Variants in STAT3 observed in about 807,000 individuals in gnomAD.
STAT3 encodes the protein DNA-binding protein APRF.
A neutral mutation model predicts 114.3 loss-of-function variants in STAT3; 7 were observed. The ratio of observed to expected loss-of-function variants is 0.06; its 90% CI spans 0.03 to 0.11. STAT3 has a LOEUF of 0.11. Among genes scored for constraint, STAT3 ranks in the 10% least tolerant of loss-of-function variants. STAT3 has a pLI of 1.00. For missense variants in STAT3, 364 were observed against 960.9 expected (o/e 0.38, Z 8.21); for synonymous variants, 331 against 354.5 (o/e 0.93, Z 0.74).
At position 42,337,251 on chromosome 17, in the gene STAT3, G is replaced by A. The variant is rs573277839; in HGVS notation, c.797+184C>T. ...CCCATCTTGGTCTCCCAAAGTGCTGGGATTACAGGTGTGAGCCACAGCGCC... is the reference window on the plus strand; with the variant it reads ...CCCATCTTGGTCTCCCAAAGTGCTGAGATTACAGGTGTGAGCCACAGCGCC... On this transcript the variant is annotated intron_variant, in intron 8 of 23. Coordinates refer to ENST00000264657, the MANE Select transcript of STAT3 (RefSeq NM_139276.3). This position sits in a 1 kb window ranked among gnomAD's most constrained non-coding sequence, Gnocchi z 4.0. 2.6e-5 allele frequency among the ~76,000 whole-genome samples: 4 copies of A among 152,096 alleles called. No individual in the cohort carries two copies. The highest frequency in any genetic ancestry group is 5.9e-5 in the Non-Finnish European group (4 of 68,034).
chr17:42,371,256 T>C (rs1474054044), intron 1 of STAT3, among the ~76,000 whole-genome samples: 2 of 152,014 alleles, frequency 1.3e-5, no homozygotes, highest in Admixed American at 6.6e-5. Flanking sequence ...AGGAGACAAC[T>C]ACAAGTTACT....
chr17:42,329,377 C>G (rs778541073), intron 14 of STAT3, 33 bp downstream of exon 14: 1 of 1,492,448 alleles, frequency 6.7e-7, no homozygotes, highest in Non-Finnish European at 8.9e-7. Flanking sequence ...AAGGAAAACA[C>G]CCCAGTTGTC....
At chr17:42,369,479 G>A (rs923665813) in intron 1 of STAT3, among the ~76,000 whole-genome samples, 1 of 152,120 alleles carries the variant, frequency 6.6e-6, no homozygotes, top group Non-Finnish European at 1.5e-5. Context: ...GGGCATTTAG[G>A]TTGATTCCAT....
Position 42,313,379 on chromosome 17 carries a change from C to CAAAAAAAAAAAAAAAAAAAAAAACA in STAT3, c.*2365_*2366insTGTTTTTTTTTTTTTTTTTTTTTTT, listed in dbSNP as rs397857989. On this transcript the variant is annotated 3_prime_UTR_variant, in exon 24 of 24. Coordinates refer to ENST00000264657, the MANE Select transcript of STAT3 (RefSeq NM_139276.3). ...AGTTAAAGTAGATACAGCAATATAC[C>CAAAAAAAAAAAAAAAAAAAAAAACA]AAAAAAAAAAAAAAAAAAAAAAGAC... 8.4e-5 allele frequency: 7 copies of CAAAAAAAAAAAAAAAAAAAAAAACA among 83,018 alleles called. No individual in the cohort carries two copies. Among genetic ancestry groups the CAAAAAAAAAAAAAAAAAAAAAAACA allele is most frequent in the Admixed American group, 1.6e-4 (1 of 6,286 alleles). 5.1% of individuals were successfully genotyped at this position (83,018 alleles called of 1,614,324 possible).
At chr17:42,379,186 A>C (rs1212397899) in intron 1 of STAT3, among the ~76,000 whole-genome samples, 1 of 152,174 alleles carries the variant, frequency 6.6e-6, no homozygotes, top group South Asian at 2.1e-4. Context: ...TAGGGAAGCC[A>C]AGCCGTTTAT....
intron 11 of STAT3, among the ~76,000 whole-genome samples, chr17:42,330,325 G>A (rs148324609): frequency 1.2e-4 from 18 of 151,820 alleles, no homozygotes; most frequent in African/African-American, 4.1e-4. Context: ...CATGTTGGTC[G>A]GGCTGGTTTC....
chr17:42,384,132 AT>A (rs371933640), intron 1 of STAT3, among the ~76,000 whole-genome samples: 11,971 of 134,778 alleles, frequency 0.089, 573 homozygotes, highest in African/African-American at 0.14. Flanking sequence ...TTATTTATTT[AT>A]TTTTTTTTTT....
chr17:42,363,484 C>T (rs2083617788), intron 1 of STAT3, among the ~76,000 whole-genome samples: 1 of 152,162 alleles, frequency 6.6e-6, no homozygotes, highest in African/African-American at 2.4e-5. Context: ...TGCTCTGTTA[C>T]CCAGGCTGGA....
At chr17:42,384,124 A>ATTTTT (rs1202429954) in intron 1 of STAT3, among the ~76,000 whole-genome samples, 20 of 81,948 alleles carry the variant, frequency 2.4e-4, no homozygotes, top group South Asian at 5.8e-4. Context: ...TTATTTATTT[A>ATTTTT]TTTATTTATT....
chr17:42,375,953 T>C (rs933956289), intron 1 of STAT3, among the ~76,000 whole-genome samples: 1 of 151,402 alleles, frequency 6.6e-6, no homozygotes, highest in Non-Finnish European at 1.5e-5. Context: ...GAGTTCAAGA[T>C]CAGCCTGGCC....
At chr17:42,386,720 T>C (rs1217156365) in intron 1 of STAT3, among the ~76,000 whole-genome samples, 1 of 152,196 alleles carries the variant, frequency 6.6e-6, no homozygotes, top group Non-Finnish European at 1.5e-5. Flanking sequence ...AAGTGATTAT[T>C]CTTCTCAAAT....
At chr17:42,373,758 G>A (rs1373383020) in intron 1 of STAT3, among the ~76,000 whole-genome samples, 5 of 150,466 alleles carry the variant, frequency 3.3e-5, no homozygotes, top group African/African-American at 7.3e-5. Flanking sequence ...CGTGGCGGGC[G>A]CCTGTAGTCC....
chr17:42,321,114 C>CT (rs971943600), intron 21 of STAT3, among the ~76,000 whole-genome samples: 3,594 of 110,142 alleles, frequency 0.033, 105 homozygotes, highest in Non-Finnish European at 0.039. Flanking sequence ...ATTTCTCTCT[C>CT]TTTTTTTTTT....
intron 21 of STAT3, among the ~76,000 whole-genome samples, chr17:42,318,654 TGAGAAGGCATG>T (rs2081345589): frequency 6.6e-6 from 1 of 151,896 alleles, no homozygotes; most frequent in Non-Finnish European, 1.5e-5. Context: ...AACAAACCAT[TGAGAAGGCATG>T]GGGCAGGGTG....
At chr17:42,367,144 A>G (rs2145215381) in intron 1 of STAT3, among the ~76,000 whole-genome samples, 1 of 152,254 alleles carries the variant, frequency 6.6e-6, no homozygotes, top group South Asian at 2.1e-4. Flanking sequence ...TCCGTCTCAA[A>G]AAACATAAAC....
chr17:42,384,708 C>T (rs773529122), intron 1 of STAT3, among the ~76,000 whole-genome samples: 21 of 152,032 alleles, frequency 1.4e-4, no homozygotes, highest in Non-Finnish European at 2.8e-4. Context: ...GTCCACGCCA[C>T]CAGGCCTGGC....
chr17:42,377,901 T>C (rs539658106), intron 1 of STAT3, among the ~76,000 whole-genome samples: 51 of 152,146 alleles, frequency 3.4e-4, no homozygotes, highest in African/African-American at 9.4e-4. Flanking sequence ...TGAACTCCCA[T>C]TGGAAAACTT....
chr17:42,317,175 C>T lies in STAT3; in HGVS notation c.2144+7G>A, dbSNP rs2081286912. 6.2e-7 allele frequency: 1 copy of T among 1,613,984 alleles called. No homozygotes were observed. Among genetic ancestry groups the T allele is most frequent in the Non-Finnish European group, 8.5e-7 (1 of 1,179,964 alleles). On this transcript the variant is annotated splice_region_variant and intron_variant, in intron 22 of 23. Coordinates refer to ENST00000264657, the MANE Select transcript of STAT3 (RefSeq NM_139276.3). ...TGAAGGCAAAACGGGGAAAGGAAGCCACTTACGGTGTCACACAGATAAACT... is the reference window on the plus strand; with the variant it reads ...TGAAGGCAAAACGGGGAAAGGAAGCTACTTACGGTGTCACACAGATAAACT...
chr17:42,321,225 T>C (rs2081468369), intron 21 of STAT3, among the ~76,000 whole-genome samples: 1 of 145,574 alleles, frequency 6.9e-6, no homozygotes, highest in Non-Finnish European at 1.5e-5. Flanking sequence ...GCTTAAGCAA[T>C]CCTCCCACCT....
Sources: allele counts gnomAD v4.1 joint callset (sites outside exome capture counted in the v4.1 genomes callset), GRCh38; gene constraint gnomAD v4.1.1; non-coding constraint Gnocchi (gnomAD v3.1); transcripts MANE v1.5; gene names NCBI Gene and HGNC (gene_info 2026-07-23, HGNC 2026-07-21).